UNC80: variants seen among roughly 807,000 people sequenced by gnomAD.
UNC80 encodes the protein protein unc-80 homolog.
In UNC80, 164 loss-of-function variants were observed where a neutral mutation model predicts 384.6. That is an observed-to-expected ratio of 0.43 (90% CI 0.38 to 0.49). UNC80 has a LOEUF of 0.49. Ranked by LOEUF, UNC80 falls within the 20% of genes least tolerant of loss-of-function variation. The probability of loss-of-function intolerance (pLI) is 0.00; values close to 1 mark genes in which losing one functional copy is unlikely to be tolerated. For missense variants in UNC80, 3,330 were observed against 4,143.0 expected (o/e 0.80, Z 5.39); for synonymous variants, 1,486 against 1,527.8 (o/e 0.97, Z 0.64).
chr2:209,881,223 C>T, intron 25 of UNC80, 129 bp downstream of exon 25: 2 of 1,072,916 alleles, frequency 1.9e-6, no homozygotes, highest in South Asian at 2.0e-5. Flanking sequence ...AAAATTCAAC[C>T]AAGGGATTTT....
chr2:209,947,537 T>G (rs568618208), intron 47 of UNC80, among the ~76,000 whole-genome samples: 2 of 152,310 alleles, frequency 1.3e-5, no homozygotes, highest in Admixed American at 1.3e-4. Context: ...ATTGTTAAGT[T>G]AAATTAGAAT....
At chr2:209,840,838 G>C (rs749523764) in intron 20 of UNC80, among the ~76,000 whole-genome samples, 190 bp downstream of exon 20, 1 of 152,112 alleles carries the variant, frequency 6.6e-6, no homozygotes, top group Non-Finnish European at 1.5e-5. Context: ...ATCATAGGAA[G>C]GGAAAAAGAA....
chr2:209,954,743 A>G (rs531711520), intron 48 of UNC80, among the ~76,000 whole-genome samples: 13 of 152,352 alleles, frequency 8.5e-5, no homozygotes, highest in African/African-American at 2.6e-4. Context: ...TTCAGAAACT[A>G]CATAACCAAT....
intron 14 of UNC80, among the ~76,000 whole-genome samples, chr2:209,828,794 A>G (rs1349713259): frequency 6.6e-6 from 1 of 152,124 alleles, no homozygotes; most frequent in Non-Finnish European, 1.5e-5. Flanking sequence ...TCCACTGTAT[A>G]GACATTCTTT....
chr2:209,779,628 T>C (rs2077047802), intron 4 of UNC80, among the ~76,000 whole-genome samples: 1 of 152,188 alleles, frequency 6.6e-6, no homozygotes. Context: ...GTGTCTCAAA[T>C]AGTGTCTGTC....
intron 31 of UNC80, among the ~76,000 whole-genome samples, chr2:209,916,193 C>G (rs1293493144): frequency 6.6e-6 from 1 of 152,142 alleles, no homozygotes; most frequent in East Asian, 1.9e-4. Context: ...TAGATGGGCT[C>G]TCTGGGAGAG....
intron 38 of UNC80, 35 bp from the exon 39 acceptor site, chr2:209,933,787 G>C (rs1200940632): frequency 6.6e-7 from 1 of 1,506,360 alleles, no homozygotes; most frequent in Admixed American, 2.2e-5. Flanking sequence ...CGGGATTATT[G>C]TAGCTTTGTG....
intron 24 of UNC80, among the ~76,000 whole-genome samples, chr2:209,880,104 G>T (rs1403528673): frequency 6.6e-6 from 1 of 152,046 alleles, no homozygotes; most frequent in African/African-American, 2.4e-5. Context: ...ACATGGCTTT[G>T]ATTTTTTCTG....
In UNC80 at chr2:209,820,693, A is replaced by G; in HGVS notation, c.2331+14A>G. 6.6e-7 allele frequency: 1 copy of G among 1,510,598 alleles called. No homozygotes were observed. 93.6% of individuals were successfully genotyped at this position (1,510,598 alleles called of 1,614,324 possible). On this transcript the variant is annotated intron_variant, in intron 13 of 64. Transcript: ENST00000673920. ...AACCAAGAGAAGGTATGACTGAACC[A>G]CCTTATGTGTCCTCATGAAATGTCA... is the stretch of plus-strand genomic sequence containing the variant.
Position 209,840,610 on chromosome 2 carries a change from T to C in UNC80, c.3319T>C (p.Ser1107Pro), listed in dbSNP as rs1271830239. Residue 1107 changes from serine to proline, a missense_variant, in exon 20 of 65, where the codon TCT (serine) becomes CCT (proline). Coordinates refer to ENST00000673920, the MANE Select transcript of UNC80 (RefSeq NM_001371986.1). ...DGVEDLLDIS[S>P]VDRLSFIRQS... ...TGTGGAGGACCTCCTGGACATTAGC[T>C]CTGTGGACCGACTCTCTTTCATCAG... 6.4e-7 allele frequency: 1 copy of C among 1,551,994 alleles called. No individual in the cohort carries two copies. Among genetic ancestry groups the C allele is most frequent in the South Asian group, 1.2e-5 (1 of 84,038 alleles).
chr2:209,906,083 C>T (rs2124932476), intron 29 of UNC80, among the ~76,000 whole-genome samples: 1 of 152,154 alleles, frequency 6.6e-6, no homozygotes, highest in African/African-American at 2.4e-5. Context: ...GAAAAAAAAA[C>T]TAGAAGCAGA....
chr2:209,918,254 C>G (rs940522044), intron 32 of UNC80, among the ~76,000 whole-genome samples: 1 of 152,084 alleles, frequency 6.6e-6, no homozygotes, highest in South Asian at 2.1e-4. Context: ...TATATATAAA[C>G]TTACAGGTAT....
chr2:209,964,252 C>T (rs1575160047), intron 51 of UNC80, among the ~76,000 whole-genome samples: 1 of 131,444 alleles, frequency 7.6e-6, no homozygotes, highest in East Asian at 2.0e-4. Context: ...TGTGCAGTGA[C>T]TAAGAACAAC....
At chr2:209,856,527 T>C (rs1044165754) in intron 22 of UNC80, among the ~76,000 whole-genome samples, 2 of 152,054 alleles carry the variant, frequency 1.3e-5, no homozygotes, top group Non-Finnish European at 2.9e-5. Context: ...CTTATATTTT[T>C]CTCTAAAAGT....
intron 28 of UNC80, among the ~76,000 whole-genome samples, chr2:209,904,554 G>A (rs1269056805): frequency 6.6e-6 from 1 of 152,212 alleles, no homozygotes. Context: ...GTTTCAAAGA[G>A]ATCCTTCTAT....
chr2:209,922,374 A>G lies in UNC80; in HGVS notation c.5653A>G (p.Ser1885Gly). ...AGTCTGGTCAGTGCGTTCAGCCGTC[A>G]GTGCTGAAGGTGTGTCCTCTTGCAT... is the stretch of plus-strand genomic sequence containing the variant. Reference protein sequence around the residue: ...GSVWSVRSAVSAEDEEHTTEH... With the variant: ...GSVWSVRSAVGAEDEEHTTEH... The change falls in exon 35 of 65, where the codon AGT becomes GGT. Residue 1885 changes from serine (S) to glycine (G), a missense_variant. By Grantham distance (56) the Ser-to-Gly change is moderately conservative. This residue lies in a region of UNC80 where 1,049 missense variants were observed against 1,488.6 expected (regional missense o/e 0.70). Transcript: ENST00000673920. 2 of 1,551,708 alleles carry G rather than the reference A, an allele frequency of 1.3e-6. No homozygotes were observed. The highest frequency in any genetic ancestry group is 4.9e-5 in the East Asian group (2 of 40,916).
intron 7 of UNC80, among the ~76,000 whole-genome samples, chr2:209,801,714 A>G (rs976439452): frequency 4.9e-5 from 2 of 40,958 alleles, no homozygotes; most frequent in South Asian, 7.1e-4. Context: ...TTTGCTTTTT[A>G]TCTGACTTAC....
Position 209,941,243 on chromosome 2 carries a change from C to T in UNC80, c.6669C>T (p.Leu2223=), listed in dbSNP as rs573802845. 40 of 1,523,980 alleles carry T rather than the reference C, an allele frequency of 2.6e-5. No individual in the cohort carries two copies. The highest frequency in any genetic ancestry group is 1.7e-4 in the Middle Eastern group (1 of 5,874). The allele number at this position is 1,523,980 out of a possible 1,614,324, so 94.4% of individuals were successfully genotyped here. A position where few individuals can be genotyped will look rare whatever the true frequency, so the allele number is the denominator to read the frequency against. ...CAGCTGGAAAGGAACTGTTTGGCCT[C>T]GACACTCTTCAGAAAAGCTTGTGGA... is the stretch of plus-strand genomic sequence containing the variant. ...DPQAGKELFG[L]DTLQKSLWIQ... The change falls in exon 44 of 65, where the codon CTC becomes CTT. Residue 2223 remains leucine (L), a synonymous_variant. Coordinates refer to ENST00000673920, the MANE Select transcript of UNC80 (RefSeq NM_001371986.1).
At chr2:209,945,412 A>G (rs1180175305) in intron 46 of UNC80, among the ~76,000 whole-genome samples, 2 of 152,200 alleles carry the variant, frequency 1.3e-5, no homozygotes, top group East Asian at 1.9e-4. Flanking sequence ...CATGAAAACT[A>G]TATTAAAATG....
Sources: gnomAD v4.1 joint callset for allele counts (sites outside exome capture counted in the v4.1 genomes callset) on GRCh38, gnomAD v4.1.1 for gene constraint, gnomAD v4.1.1 regional missense constraint, MANE v1.5 for transcripts, NCBI Gene and HGNC (gene_info 2026-07-23, HGNC 2026-07-21) for gene names.